Variants in LCA5 observed in about 807,000 individuals in gnomAD.
LCA5 encodes the protein lebercilin LCA5.
LCA5 carries 37 observed loss-of-function variants against 53.0 expected under a neutral mutation model. That is an observed-to-expected ratio of 0.70 (90% confidence interval 0.54 to 0.92). LCA5 has a LOEUF of 0.92. LCA5 is among the 40% of genes least tolerant of loss of function. The pLI, the probability that LCA5 is intolerant of heterozygous loss-of-function variation, is 0.00. For synonymous variants in LCA5, 303 were observed against 282.9 expected, an observed-to-expected ratio of 1.07 and a Z score of -0.71; for missense variants, 806 against 790.5, an observed-to-expected ratio of 1.02 and a Z score of -0.23.
At chr6:79,522,290 T>C (rs569462956) in intron 1 of LCA5, among the ~76,000 whole-genome samples, 4 of 152,088 alleles carry the variant, frequency 2.6e-5, no homozygotes, top group South Asian at 2.1e-4. Context: ...AATGAAGCTA[T>C]ATAATGATCA....
chr6:79,490,190 C>T (rs1201261452), intron 6 of LCA5, among the ~76,000 whole-genome samples: 1 of 152,066 alleles, frequency 6.6e-6, no homozygotes, highest in Non-Finnish European at 1.5e-5. Flanking sequence ...TTTCCAATAG[C>T]AACTTAGCTT....
At chr6:79,495,283 C>T (rs1466970720) in intron 3 of LCA5, among the ~76,000 whole-genome samples, 1 of 152,118 alleles carries the variant, frequency 6.6e-6, no homozygotes, top group African/African-American at 2.4e-5. Context: ...AACTGTCTTC[C>T]ACGAAATCAG....
In LCA5 at chr6:79,492,621, T is replaced by C; in HGVS notation, c.885A>G (p.Lys295=). The C allele has an allele frequency of 6.4e-7, 1 of 1,555,370 alleles. No individual in the cohort carries two copies. Residue 295 remains lysine (K), a synonymous_variant, in exon 5 of 8, where the codon AAA becomes AAG. Transcript: ENST00000369846. ...LKEKERELDI[K]NIYSNRLPKS... is the part of the protein sequence containing the mutation. ...TTGGCAGACGATTAGAATATATATT[T>C]TTTATATCCAGTTCTCTCTCCTTTT... is the stretch of plus-strand genomic sequence containing the variant.
At chr6:79,506,575 C>T (rs966009514) in intron 3 of LCA5, among the ~76,000 whole-genome samples, 1 of 152,052 alleles carries the variant, frequency 6.6e-6, no homozygotes, top group Non-Finnish European at 1.5e-5. Flanking sequence ...AGTCTCTAGA[C>T]CACTAAGAAA....
chr6:79,488,937 G>T, intron 7 of LCA5, 147 bp downstream of exon 7: 1 of 855,716 alleles, frequency 1.2e-6, no homozygotes. Context: ...TATGGCTCCT[G>T]ATAAGCCATC....
intron 1 of LCA5, among the ~76,000 whole-genome samples, chr6:79,521,913 A>G (rs1033182284): frequency 2.6e-5 from 4 of 152,214 alleles, no homozygotes; most frequent in African/African-American, 9.6e-5. Context: ...TGGACTCAGG[A>G]GCCAACTTCA....
At chr6:79,492,288 T>C (rs1411960440) in intron 5 of LCA5, among the ~76,000 whole-genome samples, 1 of 151,908 alleles carries the variant, frequency 6.6e-6, no homozygotes, top group Non-Finnish European at 1.5e-5. Flanking sequence ...TATTTGCATA[T>C]TTTCAAAAAC....
intron 1 of LCA5, among the ~76,000 whole-genome samples, chr6:79,520,675 A>C (rs1766600029): frequency 1.3e-5 from 2 of 152,198 alleles, no homozygotes; most frequent in African/African-American, 4.8e-5. Context: ...TAGAAAACTA[A>C]AACAATAAAA....
Position 79,519,056 on chromosome 6 carries a change from A to G in LCA5, c.-162T>C, listed in dbSNP as rs1399905092. ...AATGTATTTGTAGACCACAATTCAC[A>G]TTGGCATCCAGAAGATAAACTTTTT... On this transcript the variant is annotated 5_prime_UTR_variant, in exon 2 of 8. It removes an upstream start codon present in the reference 5' UTR. Transcript: ENST00000369846. 2.5e-6 allele frequency: 2 copies of G among 786,654 alleles called. No homozygotes were observed. Among genetic ancestry groups the G allele is most frequent in the Non-Finnish European group, 4.3e-6 (2 of 469,876 alleles). The allele number at this position is 786,654 out of a possible 1,614,324, so 48.7% of individuals were successfully genotyped here.
At chr6:79,499,379 A>G (rs1770069118) in intron 3 of LCA5, among the ~76,000 whole-genome samples, 1 of 152,138 alleles carries the variant, frequency 6.6e-6, no homozygotes, top group African/African-American at 2.4e-5. Flanking sequence ...TCAAAAGAGT[A>G]GTTACTTCTG....
intron 1 of LCA5, among the ~76,000 whole-genome samples, chr6:79,525,854 T>G (rs1276600442): frequency 6.6e-6 from 1 of 152,164 alleles, no homozygotes; most frequent in African/African-American, 2.4e-5. Flanking sequence ...ACAGCCAAGA[T>G]AACGGTGGAC....
intron 3 of LCA5, among the ~76,000 whole-genome samples, chr6:79,504,788 C>G (rs1048283253): frequency 6.6e-6 from 1 of 152,080 alleles, no homozygotes; most frequent in African/African-American, 2.4e-5. Context: ...AAGCATGAGA[C>G]TGATTTTTTT....
rs41269343 is a variant in LCA5 at position 79,485,476 on chromosome 6, C to A, written c.*1528G>T. On this transcript the variant is annotated 3_prime_UTR_variant, in exon 8 of 8. Coordinates refer to ENST00000369846, the MANE Select transcript of LCA5 (RefSeq NM_001122769.3). ...CAGACATACAAATCTATTAAGAAAA[C>A]TTTTTAATATAGTTTAGCACTTTTG... The A allele has an allele frequency of 6.6e-6, 1 of 152,256 alleles. No individual in the cohort carries two copies. The highest frequency in any genetic ancestry group is 1.5e-5 in the Non-Finnish European group (1 of 67,954). The allele number at this position is 152,256 out of a possible 1,614,324, so 9.4% of individuals were successfully genotyped here. A position where few individuals can be genotyped will look rare whatever the true frequency, so the allele number is the denominator to read the frequency against.
chr6:79,527,512 C>T (rs374107982), intron 1 of LCA5, among the ~76,000 whole-genome samples: 11 of 152,314 alleles, frequency 7.2e-5, no homozygotes, highest in Admixed American at 3.9e-4. Context: ...ACAGCTCTCA[C>T]AGGCAAATAA....
chr6:79,510,666 G>C (rs1770387626), intron 3 of LCA5, among the ~76,000 whole-genome samples: 2 of 152,124 alleles, frequency 1.3e-5, no homozygotes, highest in African/African-American at 4.8e-5. Context: ...CAGAATGGGA[G>C]AAAACTTTTG....
At position 79,536,512 on chromosome 6, in the gene LCA5, C is replaced by G. The variant is rs566556344; in HGVS notation, c.-192+653G>C. On this transcript the variant is annotated intron_variant, in intron 1 of 7. Transcript: ENST00000369846. ...AAACACTATCCCACGGTCTATCTAA[C>G]GTAAACATCACGTATCTGAGTACCG... 9.8e-5 allele frequency among the ~76,000 whole-genome samples: 15 copies of G among 152,326 alleles called. No individual in the cohort carries two copies. In the South Asian group the frequency reaches 3.1e-3, roughly 32 times the overall value.
In LCA5 at chr6:79,487,092, C is replaced by T. The variant is rs371733166; in HGVS notation, c.2006G>A (p.Arg669Lys). The change falls in exon 8 of 8, where the codon AGG becomes AAG. Residue 669 changes from arginine to lysine, a missense_variant. Coordinates refer to ENST00000369846, the MANE Select transcript of LCA5 (RefSeq NM_001122769.3). Reference protein sequence around the residue: ...LSEGRSFNPNRHRLKHADDKP... With the variant: ...LSEGRSFNPNKHRLKHADDKP... ...ATCGTCTGCATGTTTTAATCGGTGCCTATTTGGATTAAAACTTCTTCCTTC... is the reference window on the plus strand; with the variant it reads ...ATCGTCTGCATGTTTTAATCGGTGCTTATTTGGATTAAAACTTCTTCCTTC... 5.0e-6 allele frequency: 8 copies of T among 1,613,542 alleles called. No homozygotes were observed. The South Asian group carries it at 5.5e-5, about 11-fold the overall frequency.
intron 3 of LCA5, among the ~76,000 whole-genome samples, chr6:79,497,833 C>T (rs879574390): frequency 1.3e-5 from 2 of 151,264 alleles, no homozygotes; most frequent in African/African-American, 4.9e-5. Flanking sequence ...ATTAGCCAGG[C>T]GTTGTGGTGC....
At chr6:79,517,368 G>A (rs1300106569) in intron 2 of LCA5, among the ~76,000 whole-genome samples, 1 of 152,012 alleles carries the variant, frequency 6.6e-6, no homozygotes, top group South Asian at 2.1e-4. Context: ...TTGTTTCTGG[G>A]GAATGAAGAA....
Sources: allele counts gnomAD v4.1 joint callset (sites outside exome capture counted in the v4.1 genomes callset), GRCh38; gene constraint gnomAD v4.1.1; transcripts MANE v1.5; gene names NCBI Gene and HGNC (gene_info 2026-07-23, HGNC 2026-07-21).